Variants in PTK2 observed in about 807,000 individuals in gnomAD.
The protein encoded by PTK2 is focal adhesion kinase 1.
Under a neutral mutation model 150.1 loss-of-function variants are expected in PTK2, and 45 were observed. The observed-to-expected ratio is 0.30, with a 90% CI of 0.24 to 0.38. The LOEUF (loss-of-function observed/expected upper bound fraction) is 0.38, where lower values mean the gene tolerates loss of function less well. PTK2 is among the 10% of genes least tolerant of loss of function. The pLI, the probability that PTK2 is intolerant of heterozygous loss-of-function variation, is 1.00. For missense variants in PTK2, 919 were observed against 1,307.3 expected (o/e 0.70, Z 4.58); for synonymous variants, 432 against 449.2 (o/e 0.96, Z 0.48).
At chr8:140,738,795 T>C (rs2100054012) in intron 21 of PTK2, among the ~76,000 whole-genome samples, 1 of 152,122 alleles carries the variant, frequency 6.6e-6, no homozygotes, top group African/African-American at 2.4e-5. Context: ...TGGAAGGAGC[T>C]GGGCAATTAG....
At chr8:140,667,904 T>C (rs922699789) in intron 30 of PTK2, among the ~76,000 whole-genome samples, 3 of 152,184 alleles carry the variant, frequency 2.0e-5, no homozygotes, top group Non-Finnish European at 4.4e-5. Flanking sequence ...CCCTAAGTCT[T>C]ACACAGGATT....
intron 1 of PTK2, among the ~76,000 whole-genome samples, chr8:140,960,953 C>T (rs981239130): frequency 6.6e-6 from 1 of 152,110 alleles, no homozygotes; most frequent in Non-Finnish European, 1.5e-5. Context: ...GCAATCCAGC[C>T]TAGGCAACAA....
At chr8:140,921,284 A>C (rs970101511) in intron 2 of PTK2, 1 of 248,774 alleles carries the variant, frequency 4.0e-6, no homozygotes, top group Non-Finnish European at 7.1e-6. Context: ...GCCAGTAGCC[A>C]GTAACTTATT....
At chr8:140,825,028 G>C (rs1372407836) in intron 8 of PTK2, among the ~76,000 whole-genome samples, 2 of 152,160 alleles carry the variant, frequency 1.3e-5, no homozygotes, top group African/African-American at 4.8e-5. Flanking sequence ...GATGCTGCTA[G>C]CAACAATAGA....
chr8:140,955,693 G>A (rs896948628), intron 1 of PTK2, among the ~76,000 whole-genome samples: 1 of 152,078 alleles, frequency 6.6e-6, no homozygotes, highest in Admixed American at 6.6e-5. Flanking sequence ...ATAAAAGATC[G>A]GAAGCATAGC....
At chr8:140,904,822 T>C (rs2100160218) in intron 2 of PTK2, among the ~76,000 whole-genome samples, 1 of 152,234 alleles carries the variant, frequency 6.6e-6, no homozygotes, top group Non-Finnish European at 1.5e-5. Context: ...GTAGTTTGTA[T>C]TTCTGTGGGA....
chr8:140,767,861 TA>T (rs1346449938), intron 14 of PTK2, among the ~76,000 whole-genome samples: 1 of 152,182 alleles, frequency 6.6e-6, no homozygotes, highest in Admixed American at 6.5e-5. Context: ...ACTGATATGA[TA>T]GGTATTTTTA....
Position 140,866,429 on chromosome 8 carries a change from C to T in PTK2, c.363-2030G>A, listed in dbSNP as rs118003850. ...ATTTAGTGTATGACAGGAATTGTGA[C>T]GAGCATTTTACACAGATGATTTCTT... On this transcript the variant is annotated intron_variant, in intron 4 of 31. Transcript: ENST00000522684. Among the ~76,000 whole-genome samples, 724 of 152,266 alleles carry T rather than the reference C, an allele frequency of 4.8e-3. 4 individuals carry two copies. The highest frequency in any genetic ancestry group is 7.1e-3 in the Non-Finnish European group (482 of 68,028).
At chr8:140,694,487 A>C (rs2100025279) in intron 26 of PTK2, among the ~76,000 whole-genome samples, 1 of 152,176 alleles carries the variant, frequency 6.6e-6, no homozygotes, top group Admixed American at 6.5e-5. Context: ...AACGGTTTAG[A>C]AAGAAAGATA....
chr8:140,797,095 T>C (rs1181051907), intron 12 of PTK2, among the ~76,000 whole-genome samples: 1 of 151,674 alleles, frequency 6.6e-6, no homozygotes, highest in African/African-American at 2.4e-5. Context: ...ACTCCTAAAC[T>C]GTCTTCTGAA....
At chr8:140,950,656 G>A (rs914427676) in intron 1 of PTK2, among the ~76,000 whole-genome samples, 1 of 152,232 alleles carries the variant, frequency 6.6e-6, no homozygotes. Flanking sequence ...GGCAGAAGGT[G>A]CCACCAGCCA....
intron 1 of PTK2, among the ~76,000 whole-genome samples, chr8:140,943,220 C>T (rs2100176466): frequency 6.6e-6 from 1 of 152,184 alleles, no homozygotes; most frequent in Non-Finnish European, 1.5e-5. Context: ...TCCATCACCC[C>T]AAGAAGTGCC....
chr8:140,932,308 A>C (rs1339545399), intron 1 of PTK2, among the ~76,000 whole-genome samples: 2 of 151,926 alleles, frequency 1.3e-5, no homozygotes, highest in Non-Finnish European at 2.9e-5. Context: ...ACCACCTCCC[A>C]GGTTCAAGCA....
chr8:140,702,605 G>A (rs1126498), exon 25 of PTK2: 1 of 1,613,978 alleles, frequency 6.2e-7, no homozygotes, highest in Non-Finnish European at 8.5e-7. Flanking sequence ...ATCTCCTGAG[G>A]TCTATGATTC....
intron 1 of PTK2, among the ~76,000 whole-genome samples, chr8:140,970,639 C>T (rs2100186891): frequency 6.6e-6 from 1 of 152,226 alleles, no homozygotes; most frequent in African/African-American, 2.4e-5. Context: ...CCATCATCAC[C>T]ATTCACTCAA....
chr8:140,801,903 C>A (rs1173411305), intron 11 of PTK2, among the ~76,000 whole-genome samples: 1 of 151,922 alleles, frequency 6.6e-6, no homozygotes, highest in African/African-American at 2.4e-5. Context: ...CCGTAGCCAT[C>A]CTGAAGTTGT....
intron 11 of PTK2, among the ~76,000 whole-genome samples, chr8:140,800,792 A>C (rs2100094585): frequency 6.6e-6 from 1 of 152,218 alleles, no homozygotes; most frequent in Admixed American, 6.5e-5. Flanking sequence ...AAACAGAAAA[A>C]TCACTTAAAC....
chr8:140,820,792 TG>T (rs1163098172), intron 8 of PTK2: 2 of 151,998 alleles, frequency 1.3e-5, no homozygotes, highest in Non-Finnish European at 2.9e-5. Flanking sequence ...AAGGGCCCAG[TG>T]GAGTTCAAGG....
intron 5 of PTK2, among the ~76,000 whole-genome samples, chr8:140,848,418 T>C (rs1301493272): frequency 2.0e-5 from 3 of 150,882 alleles, no homozygotes; most frequent in Non-Finnish European, 2.9e-5. Context: ...CATTAGCATC[T>C]AAGGCTGGGT....
Sources: gnomAD v4.1 joint callset for allele counts (sites outside exome capture counted in the v4.1 genomes callset) on GRCh38, gnomAD v4.1.1 for gene constraint, MANE v1.5 for transcripts, NCBI Gene and HGNC (gene_info 2026-07-23, HGNC 2026-07-21) for gene names.